The following SPMAP2 variants were observed in gnomAD, a reference collection of about 807,000 sequenced individuals.
SPMAP2 encodes the protein Theg homolog.
chr19:367,321 C>G, the SPMAP2 span: 1 of 1,182,562 alleles, frequency 8.5e-7, no homozygotes, highest in Non-Finnish European at 1.2e-6. Context: ...CTGAAAGACA[C>G]AAGACAGACT....
chr19:375,525 G>T, the SPMAP2 span: 223 of 959,734 alleles, frequency 2.3e-4, no homozygotes, highest in African/African-American at 3.6e-3. Context: ...GCAGGGCCGG[G>T]CCCCTCGGGA....
the SPMAP2 span, chr19:372,775 G>C: frequency 6.9e-7 from 1 of 1,445,886 alleles, no homozygotes; most frequent in Non-Finnish European, 9.7e-7. Context: ...TCTGCATGCG[G>C]AATTCAGCTT....
At chr19:370,508 A>AC in the SPMAP2 span, among the ~76,000 whole-genome samples, 30 of 141,442 alleles carry the variant, frequency 2.1e-4, no homozygotes, top group Admixed American at 6.3e-4. Flanking sequence ...CCCCCGGCTA[A>AC]TTTTTTTTTT....
At chr19:366,097 G>A in the SPMAP2 span, among the ~76,000 whole-genome samples, 4 of 151,586 alleles carry the variant, frequency 2.6e-5, no homozygotes, top group Admixed American at 6.6e-5. Flanking sequence ...CCGAGATCGC[G>A]CCACTGCACT....
the SPMAP2 span, chr19:375,778 G>T: frequency 3.7e-6 from 6 of 1,610,032 alleles, no homozygotes; most frequent in Non-Finnish European, 5.1e-6. Flanking sequence ...TCCTCGGGGG[G>T]AAGCTCCTCT....
At chr19:374,228 G>A in the SPMAP2 span, 6 of 1,588,662 alleles carry the variant, frequency 3.8e-6, no homozygotes, top group Non-Finnish European at 5.1e-6. Flanking sequence ...GGGGACAGGA[G>A]GAGCCCGGGA....
the SPMAP2 span, chr19:375,948 G>A: frequency 6.9e-7 from 1 of 1,441,008 alleles, no homozygotes; most frequent in Non-Finnish European, 9.1e-7. Flanking sequence ...GTTCCCGAGT[G>A]ACCTTCGCCT....
chr19:373,920 G>A, the SPMAP2 span: 117 of 1,611,004 alleles, frequency 7.3e-5, no homozygotes, highest in African/African-American at 6.9e-4. Flanking sequence ...GGCACACGGC[G>A]GAGACAGCCC....
At chr19:370,586 G>A in the SPMAP2 span, among the ~76,000 whole-genome samples, 7 of 151,188 alleles carry the variant, frequency 4.6e-5, no homozygotes, top group East Asian at 3.9e-4. Context: ...TGCTGACCTC[G>A]TGATCCACCC....
chr19:364,265 A>G, the SPMAP2 span, among the ~76,000 whole-genome samples: 3 of 133,076 alleles, frequency 2.3e-5, no homozygotes, highest in Non-Finnish European at 3.1e-5. Flanking sequence ...TGAACCCGGG[A>G]GGCGGAGCTT....
At chr19:372,093 C>T in the SPMAP2 span, among the ~76,000 whole-genome samples, 1 of 152,254 alleles carries the variant, frequency 6.6e-6, no homozygotes, top group Non-Finnish European at 1.5e-5. Flanking sequence ...ACACCCACAT[C>T]AACGTCTGTG....
the SPMAP2 span, chr19:375,583 G>A: frequency 7.2e-7 from 1 of 1,398,368 alleles, no homozygotes; most frequent in Non-Finnish European, 9.5e-7. Context: ...GCCCGCCCAG[G>A]GGGCTGCTGC....
At chr19:368,159 T>G in the SPMAP2 span, among the ~76,000 whole-genome samples, 1 of 149,536 alleles carries the variant, frequency 6.7e-6, no homozygotes, top group African/African-American at 2.5e-5. This position sits in a 1 kb window ranked among gnomAD's most constrained non-coding sequence, Gnocchi z 4.1. Context: ...CTGGGCAACA[T>G]AGCAAGACCC....
At chr19:372,504 C>G in the SPMAP2 span, 1 of 914,756 alleles carries the variant, frequency 1.1e-6, no homozygotes, top group South Asian at 1.5e-5. Flanking sequence ...AGGCCAGCCC[C>G]GTCTGAACAC....
chr19:371,250 G>C, the SPMAP2 span: 13 of 1,515,466 alleles, frequency 8.6e-6, no homozygotes, highest in African/African-American at 1.8e-4. Context: ...TCTTCGGGGC[G>C]GCCAGTTCCT....
chr19:368,588 G>A, the SPMAP2 span, among the ~76,000 whole-genome samples: 2 of 152,162 alleles, frequency 1.3e-5, no homozygotes, highest in Non-Finnish European at 2.9e-5. The surrounding 1 kb of genome is among the most constrained non-coding windows in gnomAD (Gnocchi z 4.1). Context: ...CATTCTTGGA[G>A]CGTTACCTGA....
the SPMAP2 span, chr19:371,240 T>C: frequency 6.6e-7 from 1 of 1,504,474 alleles, no homozygotes; most frequent in African/African-American, 1.4e-5. Flanking sequence ...TTATCACGAA[T>C]CTTCGGGGCG....
chr19:375,370 T>G, the SPMAP2 span, among the ~76,000 whole-genome samples: 3 of 152,178 alleles, frequency 2.0e-5, no homozygotes, highest in African/African-American at 7.2e-5. Flanking sequence ...TCTGGGCACC[T>G]GAACTCAGTC....
the SPMAP2 span, chr19:373,849 A>G: frequency 8.2e-7 from 1 of 1,216,074 alleles, no homozygotes; most frequent in Non-Finnish European, 1.2e-6. Context: ...TCCTCCCTGG[A>G]GAGAGGAGGG....
Sources: gnomAD v4.1 joint callset for allele counts (sites outside exome capture counted in the v4.1 genomes callset) on GRCh38, gnomAD v4.1.1 for gene constraint, Gnocchi (gnomAD v3.1) non-coding constraint, MANE v1.5 for transcripts, NCBI Gene and HGNC (gene_info 2026-07-23, HGNC 2026-07-21) for gene names.